The following PDE1C variants were observed in gnomAD, a reference collection of about 807,000 sequenced individuals.
PDE1C encodes the protein phosphodiesterase 1C.
In PDE1C, 62 loss-of-function variants were observed where a neutral mutation model predicts 93.1. The ratio of observed to expected loss-of-function variants is 0.67; its 90% CI spans 0.54 to 0.82. The LOEUF (loss-of-function observed/expected upper bound fraction) is 0.82. Among genes scored for constraint, PDE1C ranks in the 40% least tolerant of loss-of-function variants. The probability of loss-of-function intolerance (pLI) is 0.00; values close to 1 mark genes in which losing one functional copy is unlikely to be tolerated. For missense variants in PDE1C, 742 were observed against 884.6 expected (o/e 0.84, Z 2.04); for synonymous variants, 325 against 310.1 (o/e 1.05, Z -0.50).
At chr7:32,172,135 C>T (rs1206147338) in intron 2 of PDE1C, among the ~76,000 whole-genome samples, 2 of 150,984 alleles carry the variant, frequency 1.3e-5, no homozygotes, top group Non-Finnish European at 3.0e-5. Context: ...TTAAGTAGAG[C>T]CTGAAGACAT....
the PDE1C span, among the ~76,000 whole-genome samples, chr7:31,662,856 T>A: frequency 6.6e-6 from 1 of 152,204 alleles, no homozygotes; most frequent in Non-Finnish European, 1.5e-5. Context: ...TTCTTTTCTC[T>A]AATATTTATC....
intron 2 of PDE1C, among the ~76,000 whole-genome samples, chr7:32,022,485 A>G (rs1275211070): frequency 6.6e-6 from 1 of 152,048 alleles, no homozygotes; most frequent in African/African-American, 2.4e-5. Flanking sequence ...TGTCCCAAGG[A>G]GAAGTCATGA....
chr7:32,235,269 T>C (rs1807992825), intron 1 of PDE1C, among the ~76,000 whole-genome samples: 1 of 151,582 alleles, frequency 6.6e-6, no homozygotes, highest in Non-Finnish European at 1.5e-5. Flanking sequence ...TCCTAGCCAG[T>C]GCAATAAGGC....
intron 2 of PDE1C, among the ~76,000 whole-genome samples, chr7:32,043,983 G>C (rs1261844426): frequency 6.6e-6 from 1 of 152,104 alleles, no homozygotes; most frequent in African/African-American, 2.4e-5. Flanking sequence ...ACCCATGATA[G>C]AAATATATGA....
the PDE1C span, among the ~76,000 whole-genome samples, chr7:31,684,484 A>T: frequency 0.87 from 131,827 of 152,124 alleles, 57,471 homozygotes; most frequent in African/African-American, 0.96. Flanking sequence ...AAATACAAAC[A>T]GCAAACTGGG....
intron 1 of PDE1C, among the ~76,000 whole-genome samples, chr7:32,220,538 G>A (rs529338956): frequency 1.4e-4 from 22 of 152,268 alleles, no homozygotes; most frequent in African/African-American, 4.6e-4. Flanking sequence ...TGGTCCAGCC[G>A]GGCATGGTGG....
At chr7:32,268,006 GC>G in intron 1 of PDE1C, among the ~76,000 whole-genome samples, 1 of 152,188 alleles carries the variant, frequency 6.6e-6, no homozygotes, top group Middle Eastern at 3.2e-3. Flanking sequence ...GAAAAGTCAG[GC>G]TGGCACTGCT....
chr7:32,302,142 C>T (rs1377404643), upstream of PDE1C, among the ~76,000 whole-genome samples: 2 of 152,312 alleles, frequency 1.3e-5, no homozygotes, highest in East Asian at 3.9e-4. Flanking sequence ...TGGCCCTTTA[C>T]ATAAAATGCT....
chr7:31,630,244 CA>C, the PDE1C span, among the ~76,000 whole-genome samples: 19 of 103,670 alleles, frequency 1.8e-4, no homozygotes, highest in South Asian at 1.1e-3. Flanking sequence ...GTCTACTTGG[CA>C]AAAAAAAAAA....
chr7:32,383,184 AAG>A (rs1161908441), intron 1 of PDE1C, among the ~76,000 whole-genome samples: 4 of 152,342 alleles, frequency 2.6e-5, no homozygotes, highest in African/African-American at 9.6e-5. Context: ...TAAAAATCAT[AAG>A]AGACTTGCCT....
chr7:32,202,559 G>A (rs1224892706), intron 2 of PDE1C, among the ~76,000 whole-genome samples: 1 of 152,208 alleles, frequency 6.6e-6, no homozygotes, highest in African/African-American at 2.4e-5. Flanking sequence ...TCTGTTGACT[G>A]AACCAAGCTG....
At chr7:32,418,764 T>C (rs1785327625) in intron 1 of PDE1C, among the ~76,000 whole-genome samples, 1 of 152,098 alleles carries the variant, frequency 6.6e-6, no homozygotes, top group Admixed American at 6.6e-5. Flanking sequence ...AAACAAAAAA[T>C]TAAAAATTAA....
chr7:31,628,729 T>A, the PDE1C span, among the ~76,000 whole-genome samples: 1 of 152,156 alleles, frequency 6.6e-6, no homozygotes, highest in Non-Finnish European at 1.5e-5. Flanking sequence ...GTGCTGGGAT[T>A]ACAGGCTTGA....
At chr7:31,792,839 G>T (rs1230914918) in intron 16 of PDE1C, among the ~76,000 whole-genome samples, 1 of 152,012 alleles carries the variant, frequency 6.6e-6, no homozygotes, top group South Asian at 2.1e-4. Context: ...CTTTTTGAAG[G>T]CCACAAAAAG....
At chr7:31,827,425 T>C (rs1404111241) in intron 12 of PDE1C, among the ~76,000 whole-genome samples, 1 of 152,184 alleles carries the variant, frequency 6.6e-6, no homozygotes, top group Non-Finnish European at 1.5e-5. Flanking sequence ...AAAGTCTACC[T>C]TGGCATTATA....
intron 2 of PDE1C, among the ~76,000 whole-genome samples, chr7:32,005,068 C>T (rs1786013241): frequency 6.6e-6 from 1 of 152,130 alleles, no homozygotes; most frequent in Non-Finnish European, 1.5e-5. Context: ...CTAGCACCGT[C>T]ACCAATGTTT....
chr7:31,728,386 T>A, the PDE1C span, among the ~76,000 whole-genome samples: 2 of 152,184 alleles, frequency 1.3e-5, no homozygotes, highest in African/African-American at 4.8e-5. Flanking sequence ...CAGGGAGACA[T>A]GAACCTGTTT....
At position 31,814,066 on chromosome 7, in the gene PDE1C, G is replaced by A. The variant is rs115527768; in HGVS notation, c.1813+1858C>T. On this transcript the variant is annotated intron_variant, in intron 15 of 17. Transcript: ENST00000396191. ...TACATATATATGTACACACACGCAC[G>A]CGTGCATATATATGTACACACACAC... Among the ~76,000 whole-genome samples, 435 of 147,504 alleles carry A rather than the reference G, an allele frequency of 2.9e-3. 5 individuals are homozygous for A. Among genetic ancestry groups the A allele is most frequent in the African/African-American group, 9.7e-3 (382 of 39,520 alleles).
intron 3 of PDE1C, among the ~76,000 whole-genome samples, chr7:32,161,090 A>T (rs1259298791): frequency 2.6e-5 from 4 of 152,218 alleles, no homozygotes; most frequent in Non-Finnish European, 5.9e-5. Flanking sequence ...AACCATAAAA[A>T]ATGAATTGGG....
Sources: allele counts gnomAD v4.1 joint callset (sites outside exome capture counted in the v4.1 genomes callset), GRCh38; gene constraint gnomAD v4.1.1; transcripts MANE v1.5; gene names NCBI Gene and HGNC (gene_info 2026-07-23, HGNC 2026-07-21).